NELL1: variants seen among roughly 807,000 people sequenced by gnomAD.
NELL1 encodes neural EGFL like 1.
In NELL1, 76 loss-of-function variants were observed where a neutral mutation model predicts 107.4. The observed-to-expected ratio is 0.71, with a 90% confidence interval of 0.59 to 0.86. The LOEUF (loss-of-function observed/expected upper bound fraction) is 0.86, where lower values mean the gene tolerates loss of function less well. Among genes scored for constraint, NELL1 ranks in the 40% least tolerant of loss-of-function variants. NELL1 has a pLI of 0.00. For synonymous variants in NELL1, 353 were observed against 341.2 expected (o/e 1.03, Z -0.38); for missense variants, 1,024 against 1,005.5 (o/e 1.02, Z -0.25).
intron 13 of NELL1, among the ~76,000 whole-genome samples, chr11:21,214,393 T>C (rs1374273795): frequency 6.6e-6 from 1 of 152,112 alleles, no homozygotes; most frequent in Non-Finnish European, 1.5e-5. Context: ...GCAAAAGACA[T>C]GAACAAATAT....
intron 3 of NELL1, among the ~76,000 whole-genome samples, chr11:20,815,890 G>A (rs1857613076): frequency 6.6e-6 from 1 of 151,988 alleles, no homozygotes; most frequent in Admixed American, 6.6e-5. Context: ...ATTTTTCCTG[G>A]CAACATTTAT....
At chr11:20,937,639 A>T (rs1880088) in intron 9 of NELL1, 147 bp from the exon 10 acceptor site, 431,486 of 633,916 alleles carry the variant, frequency 0.68, 151,286 homozygotes, top group Non-Finnish European at 0.73. Context: ...CCTCCACACA[A>T]TTCCTTTCAC....
chr11:21,364,130 G>C (rs936875134), intron 14 of NELL1, among the ~76,000 whole-genome samples: 1 of 151,980 alleles, frequency 6.6e-6, no homozygotes, highest in South Asian at 2.1e-4. Context: ...AAGACTTCAG[G>C]CCAGGCGTGG....
At chr11:20,698,885 A>G (rs1488809812) in intron 2 of NELL1, among the ~76,000 whole-genome samples, 1 of 152,244 alleles carries the variant, frequency 6.6e-6, no homozygotes, top group African/African-American at 2.4e-5. Context: ...AAGTTATACA[A>G]TATTTGGTTT....
intron 15 of NELL1, among the ~76,000 whole-genome samples, chr11:21,533,644 A>G (rs191718507): frequency 1.3e-5 from 2 of 152,262 alleles, no homozygotes; most frequent in East Asian, 3.9e-4. Context: ...CCTAGACAAA[A>G]ACAAACAAAT....
chr11:21,434,754 A>T (rs1479032550), intron 15 of NELL1, among the ~76,000 whole-genome samples: 2 of 151,966 alleles, frequency 1.3e-5, no homozygotes, highest in South Asian at 2.1e-4. Context: ...TGGTATTTTG[A>T]TGGGTATTGC....
chr11:20,902,543 C>G (rs1198691551), intron 5 of NELL1, among the ~76,000 whole-genome samples: 1 of 151,988 alleles, frequency 6.6e-6, no homozygotes, highest in Non-Finnish European at 1.5e-5. Flanking sequence ...TTGGTGGAAC[C>G]AATAGAGAGG....
chr11:20,925,438 CTTTT>C (rs869078958), intron 7 of NELL1, among the ~76,000 whole-genome samples: 153 of 122,238 alleles, frequency 1.3e-3, no homozygotes, highest in African/African-American at 4.1e-3. Context: ...CCACACCCGG[CTTTT>C]TTTTTTTTTT....
intron 15 of NELL1, among the ~76,000 whole-genome samples, chr11:21,522,317 C>G (rs1353541096): frequency 6.6e-6 from 1 of 151,512 alleles, no homozygotes; most frequent in African/African-American, 2.4e-5. Context: ...ATCAACCTAA[C>G]TGTGCATCAA....
At chr11:21,416,924 A>G (rs1429603623) in intron 15 of NELL1, among the ~76,000 whole-genome samples, 1 of 152,092 alleles carries the variant, frequency 6.6e-6, no homozygotes, top group Non-Finnish European at 1.5e-5. Context: ...CATGATGATG[A>G]TTAACCTATG....
intron 15 of NELL1, among the ~76,000 whole-genome samples, chr11:21,411,697 A>T (rs1852380010): frequency 6.6e-6 from 1 of 152,074 alleles, no homozygotes; most frequent in Admixed American, 6.6e-5. Context: ...TACAATGGAC[A>T]AATATTACTT....
intron 9 of NELL1, among the ~76,000 whole-genome samples, chr11:20,936,911 A>G (rs894110358): frequency 1.3e-5 from 2 of 152,154 alleles, no homozygotes; most frequent in East Asian, 3.8e-4. Flanking sequence ...AGTGGGTGAG[A>G]TCTCTTAGAG....
intron 14 of NELL1, among the ~76,000 whole-genome samples, chr11:21,361,547 G>A (rs750078311): frequency 6.6e-6 from 1 of 152,000 alleles, no homozygotes; most frequent in African/African-American, 2.4e-5. Context: ...TAAGACCAGG[G>A]AAGTTTTCCT....
chr11:21,447,001 T>A (rs1853448513), intron 15 of NELL1, among the ~76,000 whole-genome samples: 1 of 152,194 alleles, frequency 6.6e-6, no homozygotes, highest in Admixed American at 6.5e-5. Flanking sequence ...GAGTTTTTCC[T>A]ATTCTTTCCT....
Position 21,193,248 on chromosome 11 carries a change from G to C in NELL1, c.1427-36084G>C, listed in dbSNP as rs1232716858. On this transcript the variant is annotated intron_variant, in intron 13 of 19. Transcript: ENST00000357134. Reference sequence around the variant, plus strand: ...CCAAGAATGCGGTTCCTGTCGAAGAGGTTGGAATAGGACAGAAAACTTTAC... The same window carrying C: ...CCAAGAATGCGGTTCCTGTCGAAGACGTTGGAATAGGACAGAAAACTTTAC... 4.0e-5 allele frequency among the ~76,000 whole-genome samples: 6 copies of C among 151,728 alleles called. No individual in the cohort carries two copies. In the East Asian group the frequency reaches 9.6e-4, roughly 24 times the overall value.
At chr11:20,710,859 G>A (rs1014230135) in intron 2 of NELL1, among the ~76,000 whole-genome samples, 18 of 152,024 alleles carry the variant, frequency 1.2e-4, no homozygotes, top group African/African-American at 4.3e-4. Flanking sequence ...TTTCTATGGT[G>A]TCAGTTGTAA....
chr11:21,011,196 A>C (rs1852438451), intron 12 of NELL1, among the ~76,000 whole-genome samples: 1 of 152,144 alleles, frequency 6.6e-6, no homozygotes, highest in Non-Finnish European at 1.5e-5. Context: ...AATCAACCCA[A>C]GAATATCCTC....
intron 2 of NELL1, among the ~76,000 whole-genome samples, chr11:20,759,113 C>T (rs1856361987): frequency 1.3e-5 from 2 of 152,186 alleles, no homozygotes; most frequent in African/African-American, 4.8e-5. Context: ...CAAATGTGGA[C>T]CTGCCTGACA....
intron 3 of NELL1, among the ~76,000 whole-genome samples, chr11:20,813,892 T>C (rs1164674671): frequency 6.6e-6 from 1 of 152,124 alleles, no homozygotes; most frequent in Non-Finnish European, 1.5e-5. Context: ...CATTCTCTAA[T>C]TTTGTCTTTA....
Sources: gnomAD v4.1 joint callset for allele counts (sites outside exome capture counted in the v4.1 genomes callset) on GRCh38, gnomAD v4.1.1 for gene constraint, MANE v1.5 for transcripts, NCBI Gene and HGNC (gene_info 2026-07-23, HGNC 2026-07-21) for gene names.